The following EHBP1 variants were observed in gnomAD, a reference collection of about 807,000 sequenced individuals.
EHBP1 encodes EH domain binding protein 1, also known as EH domain-binding protein 1.
In EHBP1, 55 loss-of-function variants were observed where a neutral mutation model predicts 144.0. The observed-to-expected ratio is 0.38, with a 90% CI of 0.31 to 0.48. The LOEUF is 0.48. EHBP1 is among the 20% of genes least tolerant of loss of function. The pLI, the probability that EHBP1 is intolerant of heterozygous loss-of-function variation, is 0.98. For missense variants in EHBP1, 1,200 were observed against 1,364.2 expected (o/e 0.88, Z 1.90); for synonymous variants, 469 against 472.7 (o/e 0.99, Z 0.10).
chr2:62,950,306 C>T (rs1321477349), intron 13 of EHBP1, among the ~76,000 whole-genome samples: 3 of 152,134 alleles, frequency 2.0e-5, no homozygotes, highest in Admixed American at 6.5e-5. Flanking sequence ...TTATCACTCT[C>T]ATTCTCTCAC....
At chr2:63,020,713 C>T (rs2060705475) in intron 19 of EHBP1, among the ~76,000 whole-genome samples, 2 of 150,922 alleles carry the variant, frequency 1.3e-5, no homozygotes, top group Non-Finnish European at 2.9e-5. Flanking sequence ...GAGTCTTGCT[C>T]AGTCGCCTAG....
intron 8 of EHBP1, among the ~76,000 whole-genome samples, chr2:62,859,657 T>A (rs1488719406): frequency 6.6e-6 from 1 of 152,192 alleles, no homozygotes; most frequent in Non-Finnish European, 1.5e-5. Flanking sequence ...CCCAACTCTA[T>A]GTCTCTCTAG....
chr2:62,775,777 G>A (rs939872100), intron 5 of EHBP1, among the ~76,000 whole-genome samples: 35 of 152,090 alleles, frequency 2.3e-4, no homozygotes, highest in African/African-American at 8.2e-4. Context: ...CTATTTTACA[G>A]GTAAAGAAAG....
intron 1 of EHBP1, among the ~76,000 whole-genome samples, chr2:62,680,060 T>C (rs1234010600): frequency 2.0e-5 from 3 of 152,238 alleles, no homozygotes; most frequent in Non-Finnish European, 2.9e-5. Context: ...TATAATTGTT[T>C]ATCAATCCAG....
At chr2:62,792,141 A>C (rs1042109339) in intron 5 of EHBP1, among the ~76,000 whole-genome samples, 1 of 152,074 alleles carries the variant, frequency 6.6e-6, no homozygotes, top group Non-Finnish European at 1.5e-5. Flanking sequence ...AGACCTCTGC[A>C]TCTACTTTTA....
intron 2 of EHBP1, among the ~76,000 whole-genome samples, chr2:62,723,446 C>T (rs2036432765): frequency 6.6e-6 from 1 of 151,800 alleles, no homozygotes; most frequent in African/African-American, 2.4e-5. Context: ...GCTTTCCACT[C>T]TGTGCCTTTT....
At chr2:62,955,754 T>C in intron 14 of EHBP1, 94 bp downstream of exon 14, 1 of 1,369,810 alleles carries the variant, frequency 7.3e-7, no homozygotes, top group South Asian at 1.5e-5. Flanking sequence ...ATGTTATTTT[T>C]CTACGGACTG....
At chr2:62,769,818 C>T (rs1378950660) in intron 4 of EHBP1, among the ~76,000 whole-genome samples, 1 of 107,704 alleles carries the variant, frequency 9.3e-6, no homozygotes, top group African/African-American at 2.8e-5. Context: ...AAAAAAAAAG[C>T]AGGCATGTAG....
intron 7 of EHBP1, among the ~76,000 whole-genome samples, chr2:62,844,767 C>G (rs2048174301): frequency 3.9e-5 from 6 of 152,146 alleles, no homozygotes. Context: ...TATGAGGCTC[C>G]TGAAAGACCC....
intron 19 of EHBP1, among the ~76,000 whole-genome samples, chr2:63,000,520 A>AGC (rs2059807672): frequency 1.3e-5 from 2 of 152,016 alleles, no homozygotes; most frequent in African/African-American, 2.4e-5. Flanking sequence ...ACATGGTGAA[A>AGC]CCCCATTTCT....
intron 14 of EHBP1, among the ~76,000 whole-genome samples, chr2:62,976,874 C>A (rs1247688081): frequency 6.6e-6 from 1 of 152,038 alleles, no homozygotes; most frequent in Non-Finnish European, 1.5e-5. Flanking sequence ...TTTTCTATTT[C>A]TATTATGAGC....
At chr2:62,703,242 C>G (rs1343172078), upstream of EHBP1, among the ~76,000 whole-genome samples, 1 of 151,654 alleles carries the variant, frequency 6.6e-6, no homozygotes, top group African/African-American at 2.4e-5. Context: ...TAGCATGCGA[C>G]TGTAGTCCCA....
chr2:62,806,088 T>C (rs1311252147), intron 5 of EHBP1, among the ~76,000 whole-genome samples: 1 of 151,506 alleles, frequency 6.6e-6, no homozygotes, highest in Non-Finnish European at 1.5e-5. Flanking sequence ...CAAGTGATCA[T>C]CCTGCCTCAG....
chr2:62,715,120 C>T (rs572195578), intron 2 of EHBP1, among the ~76,000 whole-genome samples: 181 of 152,090 alleles, frequency 1.2e-3, no homozygotes, highest in Non-Finnish European at 2.4e-3. Flanking sequence ...TATTTCTTTT[C>T]TTTTTTTCTT....
chr2:62,799,332 TTA>T (rs1482303060), intron 5 of EHBP1, among the ~76,000 whole-genome samples: 1 of 152,230 alleles, frequency 6.6e-6, no homozygotes, highest in Non-Finnish European at 1.5e-5. Context: ...TAATTGGTCT[TTA>T]TGTTACCTCT....
chr2:63,029,537 A>G (rs916819346), intron 19 of EHBP1, among the ~76,000 whole-genome samples: 1 of 150,914 alleles, frequency 6.6e-6, no homozygotes, highest in Non-Finnish European at 1.5e-5. Context: ...CACCCCCTTC[A>G]TTATTATCAT....
intron 7 of EHBP1, among the ~76,000 whole-genome samples, chr2:62,840,574 T>C (rs1238234937): frequency 3.3e-5 from 5 of 151,268 alleles, no homozygotes; most frequent in African/African-American, 1.2e-4. Flanking sequence ...GGGAGAAAAT[T>C]TTCGCAACCT....
chr2:62,888,398 C>G (rs1381545067), intron 10 of EHBP1, among the ~76,000 whole-genome samples: 4 of 152,056 alleles, frequency 2.6e-5, no homozygotes, highest in Non-Finnish European at 5.9e-5. Flanking sequence ...TCTTTTTAAC[C>G]CTGATTAGAA....
At chr2:62,889,996 G>T (rs2052322013) in intron 10 of EHBP1, among the ~76,000 whole-genome samples, 1 of 126,848 alleles carries the variant, frequency 7.9e-6, no homozygotes, top group Admixed American at 9.1e-5. Context: ...GAGTCTTACT[G>T]TGTCACCCAG....
Sources: allele counts gnomAD v4.1 joint callset (sites outside exome capture counted in the v4.1 genomes callset), GRCh38; gene constraint gnomAD v4.1.1; transcripts MANE v1.5; gene names NCBI Gene and HGNC (gene_info 2026-07-23, HGNC 2026-07-21).